IMMP1L: variants seen among roughly 807,000 people sequenced by gnomAD.
The protein encoded by IMMP1L is mitochondrial inner membrane protease subunit 1.
Under a neutral mutation model 21.8 loss-of-function variants are expected in IMMP1L, and 24 were observed. The observed-to-expected ratio is 1.10, with a 90% CI of 0.80 to 1.55. IMMP1L has a LOEUF of 1.55. Ranked by LOEUF, IMMP1L falls within the 40% of genes most tolerant of loss-of-function variation. IMMP1L has a pLI of 0.00. For synonymous variants in IMMP1L, 46 were observed against 62.8 expected, an observed-to-expected ratio of 0.73 and a Z score of 1.26; for missense variants, 195 against 200.7, an observed-to-expected ratio of 0.97 and a Z score of 0.17.
chr11:31,463,605 A>G (rs1484874578), intron 1 of IMMP1L, among the ~76,000 whole-genome samples: 1 of 152,148 alleles, frequency 6.6e-6, no homozygotes, highest in African/African-American at 2.4e-5. Context: ...TCTTCTATTA[A>G]GGCAGATGCT....
chr11:31,434,418 A>T (rs1953043346), intron 4 of IMMP1L, among the ~76,000 whole-genome samples: 1 of 152,250 alleles, frequency 6.6e-6, no homozygotes, highest in South Asian at 2.1e-4. Context: ...CAATCTTTAA[A>T]ATTGCTTTTT....
intron 1 of IMMP1L, chr11:31,477,544 C>T (rs1954766701): frequency 3.0e-6 from 3 of 984,998 alleles, no homozygotes. Flanking sequence ...TCACAGTTAG[C>T]AGGGCAGAAA....
intron 4 of IMMP1L, among the ~76,000 whole-genome samples, chr11:31,455,516 G>C (rs1266037981): frequency 6.6e-6 from 1 of 152,114 alleles, no homozygotes; most frequent in Non-Finnish European, 1.5e-5. Flanking sequence ...TACAGGCAAG[G>C]TGGTTGTATA....
chr11:31,456,123 T>C (rs1564978960), intron 4 of IMMP1L, 137 bp downstream of exon 4: 2 of 534,358 alleles, frequency 3.7e-6, no homozygotes, highest in South Asian at 3.9e-5. Context: ...TTGTTCTTGA[T>C]ATAAACATTT....
intron 1 of IMMP1L, chr11:31,488,339 G>A (rs540983257): frequency 1.1e-4 from 17 of 152,216 alleles, no homozygotes; most frequent in African/African-American, 3.4e-4. Flanking sequence ...CAGTTGTAAC[G>A]GTGCGTCTTC....
chr11:31,434,434 T>G (rs752874943), intron 4 of IMMP1L, among the ~76,000 whole-genome samples: 1 of 152,172 alleles, frequency 6.6e-6, no homozygotes, highest in Non-Finnish European at 1.5e-5. Context: ...TTTTTAAAAG[T>G]TTTTATTTTA....
chr11:31,451,507 A>G (rs1953756039), intron 4 of IMMP1L, among the ~76,000 whole-genome samples: 1 of 152,170 alleles, frequency 6.6e-6, no homozygotes, highest in Admixed American at 6.5e-5. Flanking sequence ...AGGGTGAAAG[A>G]GGAGAGTAAG....
At chr11:31,489,491 A>G (rs1482399928) in intron 1 of IMMP1L, among the ~76,000 whole-genome samples, 2 of 152,164 alleles carry the variant, frequency 1.3e-5, no homozygotes, top group Admixed American at 1.3e-4. Context: ...TCACTCTAAT[A>G]ATTACCATCA....
chr11:31,441,139 C>T (rs879642421), intron 4 of IMMP1L, among the ~76,000 whole-genome samples: 17 of 151,930 alleles, frequency 1.1e-4, no homozygotes, highest in Admixed American at 9.8e-4. Flanking sequence ...CCAGTGCATA[C>T]TATTTAAGTA....
intron 4 of IMMP1L, among the ~76,000 whole-genome samples, chr11:31,439,626 T>C (rs190834404): frequency 6.6e-4 from 100 of 152,326 alleles, no homozygotes; most frequent in Admixed American, 5.8e-3. Context: ...GACACTCACT[T>C]GCTGAGTAGA....
At chr11:31,474,645 A>T (rs754172872) in intron 1 of IMMP1L, among the ~76,000 whole-genome samples, 1 of 152,080 alleles carries the variant, frequency 6.6e-6, no homozygotes, top group South Asian at 2.1e-4. Flanking sequence ...TGATCTTACC[A>T]CTGCACTCCA....
intron 4 of IMMP1L, among the ~76,000 whole-genome samples, chr11:31,438,145 A>T (rs1267685147): frequency 6.6e-6 from 1 of 152,134 alleles, no homozygotes; most frequent in Non-Finnish European, 1.5e-5. Context: ...AACCTTTTTC[A>T]AAGTGATACT....
chr11:31,501,087 C>T (rs867330163), intron 1 of IMMP1L, among the ~76,000 whole-genome samples: 7 of 152,152 alleles, frequency 4.6e-5, no homozygotes, highest in African/African-American at 1.2e-4. Flanking sequence ...TATAACCATA[C>T]GTGTTTAATG....
intron 1 of IMMP1L, among the ~76,000 whole-genome samples, chr11:31,495,689 T>A (rs1955408265): frequency 6.6e-6 from 1 of 152,090 alleles, no homozygotes; most frequent in Admixed American, 6.5e-5. Flanking sequence ...ACCAATGGAA[T>A]AGAATAAAGA....
intron 1 of IMMP1L, chr11:31,477,625 C>G (rs184089984): frequency 2.5e-6 from 2 of 801,706 alleles, no homozygotes; most frequent in East Asian, 1.2e-4. Context: ...CCAGTTATAG[C>G]GCCAGGTGGC....
At chr11:31,464,683 A>C (rs1273538213) in intron 1 of IMMP1L, among the ~76,000 whole-genome samples, 2 of 152,224 alleles carry the variant, frequency 1.3e-5, no homozygotes, top group African/African-American at 4.8e-5. Flanking sequence ...AATGAAGAAC[A>C]AAAACCATAC....
At chr11:31,477,308 AC>A (rs34162984) in intron 1 of IMMP1L, 2,060 of 152,502 alleles carry the variant, frequency 0.014, 32 homozygotes, top group Middle Eastern at 0.054. Context: ...ATGAATTGTT[AC>A]CAATAGTAAA....
chr11:31,509,253 C>T (rs1240248389), intron 1 of IMMP1L, among the ~76,000 whole-genome samples: 2 of 152,164 alleles, frequency 1.3e-5, no homozygotes, highest in Admixed American at 6.5e-5. Flanking sequence ...AGACGCTCAG[C>T]AACCAACTCA....
At chr11:31,497,038 A>G (rs1471290110) in intron 1 of IMMP1L, among the ~76,000 whole-genome samples, 3 of 149,970 alleles carry the variant, frequency 2.0e-5, no homozygotes, top group African/African-American at 7.3e-5. Flanking sequence ...ACATATATGT[A>G]TTACATATTA....
Sources: gnomAD v4.1 joint callset for allele counts (sites outside exome capture counted in the v4.1 genomes callset) on GRCh38, gnomAD v4.1.1 for gene constraint, MANE v1.5 for transcripts, NCBI Gene and HGNC (gene_info 2026-07-23, HGNC 2026-07-21) for gene names.